The following UBAP1 variants were observed in gnomAD, a reference collection of about 807,000 sequenced individuals.
UBAP1 encodes the protein ubiquitin associated protein 1.
Under a neutral mutation model 39.0 loss-of-function variants are expected in UBAP1, and 5 were observed. The observed-to-expected ratio is 0.13, with a 90% CI of 0.07 to 0.27. The LOEUF is 0.27. UBAP1 is among the 10% of genes least tolerant of loss of function. UBAP1 has a pLI of 1.00. For synonymous variants in UBAP1, 211 were observed against 225.1 expected, an observed-to-expected ratio of 0.94 and a Z score of 0.56; for missense variants, 490 against 608.1, an observed-to-expected ratio of 0.81 and a Z score of 2.04.
intron 4 of UBAP1, among the ~76,000 whole-genome samples, chr9:34,242,932 ATTAGCTGGTAAAAAGATACAAAATCTTGG>A (rs1834034989): frequency 6.6e-6 from 1 of 152,222 alleles, no homozygotes; most frequent in Admixed American, 6.5e-5. Flanking sequence ...CAAGCCTGCT[ATTAGCTGGTAAAAAGATACAAAATCTTGG>A]CCTGCTTTAC....
At chr9:34,237,326 T>C (rs1450602634) in intron 3 of UBAP1, among the ~76,000 whole-genome samples, 1 of 152,196 alleles carries the variant, frequency 6.6e-6, no homozygotes, top group Non-Finnish European at 1.5e-5. Flanking sequence ...GTACTTTAAC[T>C]CTTCTTCCTG....
chr9:34,220,719 G>A (rs966242303), intron 1 of UBAP1, among the ~76,000 whole-genome samples, 189 bp from the exon 2 acceptor site: 10 of 151,942 alleles, frequency 6.6e-5, no homozygotes, highest in Non-Finnish European at 1.0e-4. Flanking sequence ...CACCTCTGCC[G>A]CCCAAAGCAC....
chr9:34,233,100 G>A (rs1281113576), intron 2 of UBAP1, among the ~76,000 whole-genome samples: 1 of 152,120 alleles, frequency 6.6e-6, no homozygotes, highest in East Asian at 1.9e-4. Context: ...TGCTCCTGAT[G>A]ATCTTACTCA....
intron 1 of UBAP1, among the ~76,000 whole-genome samples, chr9:34,199,295 G>A (rs949167547): frequency 3.3e-5 from 5 of 152,184 alleles, no homozygotes; most frequent in Admixed American, 6.5e-5. Flanking sequence ...GGATGGTCTC[G>A]AACCCCTGAC....
At chr9:34,211,436 A>G (rs1465365622) in intron 1 of UBAP1, among the ~76,000 whole-genome samples, 4 of 152,190 alleles carry the variant, frequency 2.6e-5, no homozygotes, top group Non-Finnish European at 5.9e-5. Context: ...ATTAATTTGT[A>G]TCTTGGGAAA....
At chr9:34,190,241 A>T (rs1287748285) in intron 1 of UBAP1, among the ~76,000 whole-genome samples, 1 of 152,190 alleles carries the variant, frequency 6.6e-6, no homozygotes, top group Non-Finnish European at 1.5e-5. Flanking sequence ...TTAATTGTTT[A>T]TGTCGTGTCC....
At position 34,252,242 on chromosome 9, in the gene UBAP1, C is replaced by T. The variant is rs1484960434; in HGVS notation, c.*710C>T. The T allele has an allele frequency of 6.6e-6, 1 of 152,622 alleles. No homozygotes were observed. The highest frequency in any genetic ancestry group is 1.5e-5 in the Non-Finnish European group (1 of 68,064). 9.5% of individuals were successfully genotyped at this position (152,622 alleles called of 1,614,324 possible). On this transcript the variant is annotated 3_prime_UTR_variant, in exon 7 of 7. Transcript: ENST00000297661. ...CAGTTTAAGAAATCATTGGCCCCTT[C>T]CCAGCACATTGAATGGGTAAGCAGA...
chr9:34,180,507 CAAA>C (rs747564427), intron 1 of UBAP1, among the ~76,000 whole-genome samples: 1 of 85,962 alleles, frequency 1.2e-5, no homozygotes. Flanking sequence ...GACTCCGACT[CAAA>C]AAAAAAAAAA....
chr9:34,233,551 G>A (rs758354426), intron 2 of UBAP1, among the ~76,000 whole-genome samples: 2 of 152,252 alleles, frequency 1.3e-5, no homozygotes, highest in Middle Eastern at 3.4e-3. Context: ...ATGCTGATGT[G>A]TGCCAGGCAA....
At chr9:34,192,371 C>T (rs917822333) in intron 1 of UBAP1, among the ~76,000 whole-genome samples, 25 of 151,744 alleles carry the variant, frequency 1.6e-4, no homozygotes, top group Admixed American at 2.6e-4. Flanking sequence ...AAAAATTAGC[C>T]GGGTATGGTG....
At chr9:34,251,352 C>A in intron 6 of UBAP1, 40 bp from the exon 7 acceptor site, 2 of 1,609,970 alleles carry the variant, frequency 1.2e-6, no homozygotes, top group South Asian at 1.1e-5. Context: ...TGCTGTGACC[C>A]CACCCTTTTC....
intron 2 of UBAP1, among the ~76,000 whole-genome samples, chr9:34,223,432 T>C (rs1241813123): frequency 6.6e-6 from 1 of 152,038 alleles, no homozygotes; most frequent in Non-Finnish European, 1.5e-5. Context: ...AAAAGAATTC[T>C]TAACCAAAGT....
intron 1 of UBAP1, among the ~76,000 whole-genome samples, chr9:34,195,927 G>GTTTTTTTTTTTTTTTTTTTTTTTTTTTT (rs57040252): frequency 2.8e-5 from 1 of 36,156 alleles, no homozygotes; most frequent in Non-Finnish European, 4.6e-5. Context: ...AAATTTTTTG[G>GTTTTTTTTTTTTTTTTTTTTTTTTTTTT]TTTTTTTTTT....
At chr9:34,210,934 A>G (rs1280153388) in intron 1 of UBAP1, among the ~76,000 whole-genome samples, 1 of 151,772 alleles carries the variant, frequency 6.6e-6, no homozygotes, top group Non-Finnish European at 1.5e-5. Context: ...TCTTTTGTTA[A>G]TTTTTATAAT....
At chr9:34,248,763 G>A (rs892435995) in intron 4 of UBAP1, among the ~76,000 whole-genome samples, 27 of 152,134 alleles carry the variant, frequency 1.8e-4, no homozygotes, top group African/African-American at 4.8e-4. Context: ...GTATAATTTC[G>A]AACTTGCTTC....
At chr9:34,188,022 A>G (rs908580170) in intron 1 of UBAP1, among the ~76,000 whole-genome samples, 4 of 151,532 alleles carry the variant, frequency 2.6e-5, no homozygotes, top group African/African-American at 9.7e-5. Flanking sequence ...GATTACTTTG[A>G]CTTTAGGAAT....
intron 1 of UBAP1, among the ~76,000 whole-genome samples, chr9:34,196,934 GTGTT>G (rs1034616719): frequency 1.3e-4 from 19 of 147,644 alleles, no homozygotes; most frequent in African/African-American, 4.0e-4. Flanking sequence ...GTGTGTGTGT[GTGTT>G]TTTAATTGAG....
At chr9:34,185,973 G>A (rs1587782315) in intron 1 of UBAP1, among the ~76,000 whole-genome samples, 1 of 152,184 alleles carries the variant, frequency 6.6e-6, no homozygotes, top group African/African-American at 2.4e-5. Context: ...CTTAACTAAG[G>A]TTACAACTAG....
intron 2 of UBAP1, among the ~76,000 whole-genome samples, chr9:34,226,135 G>GTT (rs1264073790): frequency 6.8e-5 from 10 of 148,038 alleles, no homozygotes; most frequent in African/African-American, 2.3e-4. Context: ...GTGTGTGTGT[G>GTT]TGTGTGTGTG....
Sources: allele counts gnomAD v4.1 joint callset (sites outside exome capture counted in the v4.1 genomes callset), GRCh38; gene constraint gnomAD v4.1.1; transcripts MANE v1.5; gene names NCBI Gene and HGNC (gene_info 2026-07-23, HGNC 2026-07-21).